The following PALM2AKAP2 variants were observed in gnomAD, a reference collection of about 807,000 sequenced individuals.
The protein encoded by PALM2AKAP2 is PALM2 and AKAP2 fusion.
Under a neutral mutation model 71.5 loss-of-function variants are expected in PALM2AKAP2, and 37 were observed. That is an observed-to-expected ratio of 0.52 (90% CI 0.40 to 0.68). PALM2AKAP2 has a LOEUF of 0.68. PALM2AKAP2 is among the 30% of genes least tolerant of loss of function. PALM2AKAP2 has a pLI of 0.00. For synonymous variants in PALM2AKAP2, 468 were observed against 478.8 expected (o/e 0.98, Z 0.29); for missense variants, 1,224 against 1,191.8 (o/e 1.03, Z -0.40).
intron 1 of PALM2AKAP2, among the ~76,000 whole-genome samples, chr9:109,743,363 T>G (rs1261829154): frequency 6.6e-6 from 1 of 151,636 alleles, no homozygotes; most frequent in African/African-American, 2.4e-5. Context: ...CAATGACGGT[T>G]AGGAGCAATA....
chr9:110,039,284 A>G (rs953214523), intron 7 of PALM2AKAP2, among the ~76,000 whole-genome samples: 9 of 152,222 alleles, frequency 5.9e-5, no homozygotes, highest in African/African-American at 2.2e-4. Flanking sequence ...AATTCATAAT[A>G]TACAATCTAT....
chr9:109,672,108 C>T (rs1022882553), intron 1 of PALM2AKAP2, among the ~76,000 whole-genome samples: 2 of 152,094 alleles, frequency 1.3e-5, no homozygotes, highest in African/African-American at 4.8e-5. Context: ...TTTCTCTTGC[C>T]TGATTACCCT....
chr9:109,978,875 C>T (rs1013383612), intron 6 of PALM2AKAP2, among the ~76,000 whole-genome samples: 3 of 152,286 alleles, frequency 2.0e-5, no homozygotes, highest in Middle Eastern at 6.8e-3. Context: ...ACGCTTGACT[C>T]CATTTCTCTG....
At chr9:109,773,308 AT>A (rs1035956282) in intron 1 of PALM2AKAP2, among the ~76,000 whole-genome samples, 24 of 151,732 alleles carry the variant, frequency 1.6e-4, no homozygotes, top group Admixed American at 3.3e-4. Flanking sequence ...GCTAATTTAA[AT>A]TTTTTTTTGT....
chr9:110,138,391 T>A, exon 2 of PALM2AKAP2: 1 of 1,614,214 alleles, frequency 6.2e-7, no homozygotes, highest in South Asian at 1.1e-5. Flanking sequence ...AACAGCGGAC[T>A]TTGTCCATGA....
rs758997593 is a variant in PALM2AKAP2, at chr9:109,643,081, G to GA, written c.5+2218dup. Among the ~76,000 whole-genome samples, 5 of 150,252 alleles carry GA rather than the reference G, an allele frequency of 3.3e-5. No homozygotes were observed. The East Asian group carries it at 8.1e-4, about 24-fold the overall frequency. ...AGAGAAAGAAAGAAAGAGAAAGAAAGAAAGAAAGAGGGGGAGGGAGGGAGT... is the reference window on the plus strand; with the variant it reads ...AGAGAAAGAAAGAAAGAGAAAGAAAGAAAAGAAAGAGGGGGAGGGAGGGAGT... On this transcript the variant is annotated intron_variant, in intron 1 of 6. Transcript: ENST00000374531.
intron 6 of PALM2AKAP2, among the ~76,000 whole-genome samples, chr9:109,955,938 TA>T (rs546400884): frequency 1.3e-5 from 2 of 150,712 alleles, no homozygotes; most frequent in African/African-American, 2.4e-5. Context: ...TCCTCTGTCT[TA>T]AAAAAAACAA....
intron 2 of PALM2AKAP2, among the ~76,000 whole-genome samples, chr9:109,876,213 A>G (rs1468489317): frequency 1.3e-5 from 2 of 152,142 alleles, no homozygotes; most frequent in African/African-American, 2.4e-5. Context: ...GAGGCAGCCA[A>G]TACAAGCTAG....
chr9:109,939,435 A>G (rs1048521453), intron 6 of PALM2AKAP2, among the ~76,000 whole-genome samples: 2 of 152,238 alleles, frequency 1.3e-5, no homozygotes, highest in Admixed American at 6.5e-5. Context: ...ATCCTATCAC[A>G]TATGGATATA....
intron 1 of PALM2AKAP2, among the ~76,000 whole-genome samples, chr9:109,738,785 A>T (rs1363300021): frequency 6.6e-6 from 1 of 152,220 alleles, no homozygotes; most frequent in Non-Finnish European, 1.5e-5. Context: ...GTAAGCCCAA[A>T]AACTGGGATT....
chr9:109,952,352 G>A (rs1391140776), intron 6 of PALM2AKAP2, among the ~76,000 whole-genome samples: 1 of 152,224 alleles, frequency 6.6e-6, no homozygotes, highest in Non-Finnish European at 1.5e-5. Context: ...TAGATATGAT[G>A]CCTACCACCT....
At chr9:109,946,747 AG>A (rs1055558509) in intron 6 of PALM2AKAP2, 70 of 149,668 alleles carry the variant, frequency 4.7e-4, no homozygotes, top group African/African-American at 1.5e-3. Flanking sequence ...TAGAAAGAGG[AG>A]GAAAAAAAAA....
At position 109,658,926 on chromosome 9, in the gene PALM2AKAP2, C is replaced by A. The variant is rs564370354; in HGVS notation, c.5+18060C>A. On this transcript the variant is annotated intron_variant, in intron 1 of 6. Transcript: ENST00000374531. The stretch of plus-strand genomic sequence containing the variant: ...ATAAATATAGCACAAACTTGCAGGA[C>A]CTTTATGTGAAAAAATAAAGTTTAG... Among the ~76,000 whole-genome samples, 7 of 152,224 alleles carry A rather than the reference C, an allele frequency of 4.6e-5. No individual in the cohort carries two copies. The South Asian group carries it at 8.3e-4, about 18-fold the overall frequency.
chr9:109,674,777 T>G (rs1827625471), intron 1 of PALM2AKAP2, among the ~76,000 whole-genome samples: 1 of 152,132 alleles, frequency 6.6e-6, no homozygotes, highest in South Asian at 2.1e-4. Flanking sequence ...AAGAAACATT[T>G]ATAAGAATAT....
At chr9:109,792,971 A>C (rs1427833396) in intron 1 of PALM2AKAP2, among the ~76,000 whole-genome samples, 1 of 152,158 alleles carries the variant, frequency 6.6e-6, no homozygotes, top group Non-Finnish European at 1.5e-5. Flanking sequence ...GTAAGTTCAA[A>C]ACCTACTTTC....
intron 6 of PALM2AKAP2, among the ~76,000 whole-genome samples, chr9:109,988,607 G>T (rs7857970): frequency 0.22 from 18,170 of 82,978 alleles, 1,202 homozygotes; most frequent in East Asian, 0.32. Context: ...AGGAAGGAAG[G>T]AACGAAGGAA....
In PALM2AKAP2 at chr9:109,661,097, C is replaced by A. The variant is rs553656012; in HGVS notation, c.5+20231C>A. 7.2e-5 allele frequency among the ~76,000 whole-genome samples: 11 copies of A among 152,126 alleles called. No individual in the cohort carries two copies. The East Asian group carries it at 1.9e-3, about 27-fold the overall frequency. ...CAGATGGGTAGATTGCAAAAATTTTCTCCCATTCTGTAGGTTGCCTGTTCA... is the reference window on the plus strand; with the variant it reads ...CAGATGGGTAGATTGCAAAAATTTTATCCCATTCTGTAGGTTGCCTGTTCA... On this transcript the variant is annotated intron_variant, in intron 1 of 6. Transcript: ENST00000374531.
chr9:110,156,753 T>C (rs2119221402), intron 3 of PALM2AKAP2, among the ~76,000 whole-genome samples: 1 of 152,086 alleles, frequency 6.6e-6, no homozygotes, highest in East Asian at 1.9e-4. Flanking sequence ...GCAAGGCTAG[T>C]GTGTAAGATG....
chr9:109,789,772 G>A (rs2118860247), intron 1 of PALM2AKAP2, among the ~76,000 whole-genome samples: 1 of 152,310 alleles, frequency 6.6e-6, no homozygotes, highest in African/African-American at 2.4e-5. Flanking sequence ...AATGCCGGCA[G>A]GAGCAGAGGG....
Sources: allele counts gnomAD v4.1 joint callset (sites outside exome capture counted in the v4.1 genomes callset), GRCh38; gene constraint gnomAD v4.1.1; transcripts MANE v1.5; gene names NCBI Gene and HGNC (gene_info 2026-07-23, HGNC 2026-07-21).